The following ACKR2 variants were observed in gnomAD, a reference collection of about 807,000 sequenced individuals.
ACKR2 encodes the protein C-C chemokine receptor D6.
For synonymous variants in ACKR2, 207 were observed against 192.2 expected, an observed-to-expected ratio of 1.08 and a Z score of -0.64; for missense variants, 457 against 477.3, an observed-to-expected ratio of 0.96 and a Z score of 0.40.
chr3:42,851,580 T>C, intron 2 of ACKR2: 2 of 258,212 alleles, frequency 7.7e-6, no homozygotes, highest in Non-Finnish European at 1.2e-5. Flanking sequence ...GCTAAGTCAG[T>C]GCAGAGCTTT....
chr3:42,815,281 T>C (rs1700738082), intron 1 of ACKR2, among the ~76,000 whole-genome samples: 3 of 152,226 alleles, frequency 2.0e-5, no homozygotes, highest in Admixed American at 2.0e-4. Flanking sequence ...TGAGACCATT[T>C]TCCCCTTGGT....
At position 42,862,687 on chromosome 3, in the gene ACKR2, G is replaced by A. The variant is rs112104011; in HGVS notation, c.-37-1779G>A. On this transcript the variant is annotated intron_variant, in intron 2 of 2. Coordinates refer to ENST00000422265, the MANE Select transcript of ACKR2 (RefSeq NM_001296.5). ...ATATAAACAAATGGAACAGAACAGA[G>A]GCCTCAGAAATAACATCACAGGTCT... 7.7e-4 allele frequency among the ~76,000 whole-genome samples: 117 copies of A among 152,208 alleles called. No individual in the cohort carries two copies. The East Asian group carries it at 0.02, about 26-fold the overall frequency.
intron 2 of ACKR2, among the ~76,000 whole-genome samples, chr3:42,855,023 T>A (rs9872570): frequency 0.37 from 56,529 of 151,744 alleles, 11,340 homozygotes; most frequent in East Asian, 0.67. Flanking sequence ...TGCCCGGCTA[T>A]TTTTTGTATT....
intron 2 of ACKR2, among the ~76,000 whole-genome samples, chr3:42,857,598 A>G (rs2088335400): frequency 6.6e-6 from 1 of 152,196 alleles, no homozygotes. Flanking sequence ...AAGAGGGAGA[A>G]AAGTTTAGTA....
At chr3:42,818,161 G>T (rs1401746520) in intron 1 of ACKR2, among the ~76,000 whole-genome samples, 1 of 152,136 alleles carries the variant, frequency 6.6e-6, no homozygotes, top group Non-Finnish European at 1.5e-5. Flanking sequence ...CAGACTCCAT[G>T]TGTCCATAAA....
intron 2 of ACKR2, among the ~76,000 whole-genome samples, chr3:42,842,022 G>A (rs990947015): frequency 5.9e-5 from 9 of 152,180 alleles, no homozygotes; most frequent in Non-Finnish European, 1.0e-4. Context: ...TTGTAAAATG[G>A]AAATGACCCT....
intron 2 of ACKR2, among the ~76,000 whole-genome samples, chr3:42,853,953 T>C (rs1701190572): frequency 6.6e-6 from 1 of 152,216 alleles, no homozygotes; most frequent in African/African-American, 2.4e-5. Flanking sequence ...TCAGTTTGCA[T>C]GTTGAATCAG....
At chr3:42,819,824 T>G (rs1559683852) in intron 2 of ACKR2, 113 bp downstream of exon 2, 1 of 152,276 alleles carries the variant, frequency 6.6e-6, no homozygotes, top group Non-Finnish European at 1.5e-5. Flanking sequence ...CACCCACCAT[T>G]TACACAGTCT....
At chr3:42,840,259 C>CAA (rs34830187) in intron 2 of ACKR2, among the ~76,000 whole-genome samples, 635 of 34,544 alleles carry the variant, frequency 0.018, 61 homozygotes, top group Admixed American at 0.092. Context: ...GACTCCGTCT[C>CAA]AAAAAAAAAA....
chr3:42,866,023 CTGGAATG>C lies in ACKR2; in HGVS notation c.*367_*373del. The stretch of plus-strand genomic sequence containing the variant: ...TTGCTCTATTGCTCTGTCACCCAGG[CTGGAATG>C]CAGTGGCGAGATCTCCGCTCACTGT... On this transcript the variant is annotated 3_prime_UTR_variant, in exon 3 of 3. Transcript: ENST00000422265. 4.8e-6 allele frequency: 1 copy of C among 206,196 alleles called. No individual in the cohort carries two copies. Among genetic ancestry groups the C allele is most frequent in the Non-Finnish European group, 9.8e-6 (1 of 101,840 alleles). 12.8% of individuals were successfully genotyped at this position (206,196 alleles called of 1,614,324 possible).
intron 2 of ACKR2, among the ~76,000 whole-genome samples, chr3:42,843,291 G>C (rs1003250072): frequency 2.0e-5 from 3 of 151,592 alleles, no homozygotes; most frequent in African/African-American, 7.3e-5. Flanking sequence ...AGCTGGTCTC[G>C]AACTCCTGAC....
intron 2 of ACKR2, among the ~76,000 whole-genome samples, chr3:42,860,188 A>AAAAAAAAAAAAC (rs1559693615): frequency 6.8e-6 from 1 of 146,172 alleles, no homozygotes; most frequent in African/African-American, 2.6e-5. Flanking sequence ...AAAAAAAAAA[A>AAAAAAAAAAAAC]AGCAGGGGAT....
At chr3:42,834,842 G>C (rs1700970937) in intron 2 of ACKR2, 1 of 151,924 alleles carries the variant, frequency 6.6e-6, no homozygotes, top group Non-Finnish European at 1.5e-5. Context: ...CTCCCAAAGT[G>C]CTGGGATTAC....
intron 2 of ACKR2, among the ~76,000 whole-genome samples, chr3:42,853,674 C>T (rs1350397550): frequency 6.6e-6 from 1 of 152,188 alleles, no homozygotes. Context: ...TGGACCAGTT[C>T]TCTAACTTCC....
intron 1 of ACKR2, among the ~76,000 whole-genome samples, chr3:42,814,772 G>A (rs1480893079): frequency 6.6e-6 from 1 of 152,172 alleles, no homozygotes; most frequent in Non-Finnish European, 1.5e-5. Flanking sequence ...TAGGTAGAAG[G>A]AACAAGTATA....
chr3:42,846,712 G>A (rs6790095), intron 2 of ACKR2, among the ~76,000 whole-genome samples: 142,921 of 152,246 alleles, frequency 0.94, 67,389 homozygotes, highest in East Asian at 1. Flanking sequence ...TATAAGAAGC[G>A]GTAAGACCAC....
chr3:42,839,634 T>C (rs1486323934), intron 2 of ACKR2, among the ~76,000 whole-genome samples: 1 of 152,142 alleles, frequency 6.6e-6, no homozygotes, highest in Non-Finnish European at 1.5e-5. Flanking sequence ...TCAGGAGAGT[T>C]GCTACCATAC....
Position 42,848,550 on chromosome 3 carries a change from A to G in ACKR2, c.-37-15916A>G, listed in dbSNP as rs117494246. Among the ~76,000 whole-genome samples the G allele has an allele frequency of 9.5e-4, 144 of 152,294 alleles. 1 individual carries two copies. In the East Asian group the frequency reaches 0.028, roughly 29 times the overall value. On this transcript the variant is annotated intron_variant, in intron 2 of 2. Transcript: ENST00000422265. ...TTCTTATAATAGAATTCTAATTAAT[A>G]CATGTAGAAAGAATTCTAATTAATA...
intron 2 of ACKR2, among the ~76,000 whole-genome samples, chr3:42,822,050 CT>C (rs1363283738): frequency 6.6e-6 from 1 of 152,048 alleles, no homozygotes; most frequent in Admixed American, 6.6e-5. Flanking sequence ...TCAATCAAAA[CT>C]TTTGTTTTGA....
Sources: allele counts gnomAD v4.1 joint callset (sites outside exome capture counted in the v4.1 genomes callset), GRCh38; gene constraint gnomAD v4.1.1; transcripts MANE v1.5; gene names NCBI Gene and HGNC (gene_info 2026-07-23, HGNC 2026-07-21).